CHAF1A: variants seen among roughly 807,000 people sequenced by gnomAD.
The protein encoded by CHAF1A is CAF-1 subunit A.
CHAF1A carries 5 observed loss-of-function variants against 93.2 expected under a neutral mutation model. The observed-to-expected ratio is 0.05, with a 90% CI of 0.03 to 0.11. CHAF1A has a LOEUF of 0.11. Among genes scored for constraint, CHAF1A ranks in the 10% least tolerant of loss-of-function variants. The pLI is 1.00. For synonymous variants in CHAF1A, 504 were observed against 510.3 expected, an observed-to-expected ratio of 0.99 and a Z score of 0.17; for missense variants, 1,102 against 1,259.9, an observed-to-expected ratio of 0.87 and a Z score of 1.90.
chr19:4,445,456 A>G (rs747474407), downstream of CHAF1A: 2 of 1,612,402 alleles, frequency 1.2e-6, no homozygotes, highest in South Asian at 1.1e-5. Context: ...CAGGGAGAGC[A>G]TGAGACAGAC....
At chr19:4,436,555 G>T (rs1974286583) in intron 13 of CHAF1A, among the ~76,000 whole-genome samples, 1 of 152,200 alleles carries the variant, frequency 6.6e-6, no homozygotes, top group South Asian at 2.1e-4. Flanking sequence ...GGGAACCGGA[G>T]CTCCCCAGCC....
chr19:4,419,013 C>A (rs1973944557), intron 4 of CHAF1A, among the ~76,000 whole-genome samples: 1 of 147,822 alleles, frequency 6.8e-6, no homozygotes. Context: ...CAGGCACTTG[C>A]TGCCATAGCC....
At chr19:4,431,157 C>G (rs1191078024) in intron 11 of CHAF1A, 1 of 148,008 alleles carries the variant, frequency 6.8e-6, no homozygotes, top group African/African-American at 2.5e-5. Flanking sequence ...GAGACGGATT[C>G]TCATTCTGTT....
downstream of CHAF1A, chr19:4,448,283 A>AGG (rs755597683): frequency 9.7e-6 from 15 of 1,553,296 alleles, no homozygotes; most frequent in Admixed American, 3.7e-5. Flanking sequence ...GATGAGCTGG[A>AGG]GGGGCCAGGC....
chr19:4,449,603 T>A (rs967832405), downstream of CHAF1A: 1 of 152,302 alleles, frequency 6.6e-6, no homozygotes, highest in Non-Finnish European at 1.5e-5. Context: ...AAGGGAAGCG[T>A]GTCAGCTCCA....
At chr19:4,446,236 C>A (rs1438622589), downstream of CHAF1A, 9 of 1,576,024 alleles carry the variant, frequency 5.7e-6, no homozygotes, top group Non-Finnish European at 6.9e-6. Flanking sequence ...GGGCCCAGGG[C>A]CCCCTACCAA....
At chr19:4,447,575 A>G, downstream of CHAF1A, 1 of 1,613,706 alleles carries the variant, frequency 6.2e-7, no homozygotes, top group Non-Finnish European at 8.5e-7. Flanking sequence ...CTGCAGCTTG[A>G]TCTTCCGGTA....
chr19:4,448,040 G>T (rs1351205052), downstream of CHAF1A: 4 of 546,176 alleles, frequency 7.3e-6, no homozygotes, highest in Non-Finnish European at 1.3e-5. Flanking sequence ...GGGGAGTGGG[G>T]TGGGACCCTG....
downstream of CHAF1A, chr19:4,446,298 C>A: frequency 6.4e-7 from 1 of 1,572,146 alleles, no homozygotes; most frequent in South Asian, 1.1e-5. Flanking sequence ...AGGAGGCAGC[C>A]ATCGGGGAGG....
intron 7 of CHAF1A, 35 bp from the exon 8 acceptor site, chr19:4,428,629 C>G (rs1245723688): frequency 6.3e-7 from 1 of 1,576,078 alleles, no homozygotes; most frequent in South Asian, 1.1e-5. Flanking sequence ...TCTCCCATTG[C>G]TCGAAGACCC....
chr19:4,415,033 A>T (rs561931848), intron 3 of CHAF1A, among the ~76,000 whole-genome samples: 1 of 152,264 alleles, frequency 6.6e-6, no homozygotes, highest in East Asian at 1.9e-4. Flanking sequence ...GCCCACACAT[A>T]GTGAGCTCTG....
chr19:4,445,976 G>A, downstream of CHAF1A: 1 of 1,526,408 alleles, frequency 6.6e-7, no homozygotes, highest in East Asian at 2.3e-5. Context: ...TCCCTCCTGG[G>A]GGTGTCTGTG....
chr19:4,438,638 A>C (rs565516736), intron 13 of CHAF1A, among the ~76,000 whole-genome samples: 68 of 152,336 alleles, frequency 4.5e-4, no homozygotes, highest in African/African-American at 1.5e-3. Flanking sequence ...AATACAAGGA[A>C]GGATGTGTTT....
intron 1 of CHAF1A, among the ~76,000 whole-genome samples, chr19:4,404,135 T>C (rs750482914): frequency 6.7e-6 from 1 of 148,582 alleles, no homozygotes; most frequent in Non-Finnish European, 1.5e-5. Context: ...TATTTAACTT[T>C]AAAAAAAAAA....
Position 4,432,085 on chromosome 19 carries a change from G to C in CHAF1A, c.2081G>C (p.Arg694Thr). 1 of 1,614,004 alleles carries C rather than the reference G, an allele frequency of 6.2e-7. No individual in the cohort carries two copies. Among genetic ancestry groups the C allele is most frequent in the Admixed American group, 1.7e-5 (1 of 60,014 alleles). ...VKIGCVWAAD[R>T]DCAGDDLKVL... The stretch of plus-strand genomic sequence containing the variant: ...ATCGGCTGCGTGTGGGCGGCTGACA[G>C]AGACTGCGCAGGCGATGACCTGAAG... Residue 694 changes from arginine (R) to threonine (T), a missense_variant, in exon 12 of 15, where the codon AGA becomes ACA. Transcript: ENST00000301280.
chr19:4,431,908 G>T, intron 11 of CHAF1A, 44 bp from the exon 12 acceptor site: 1 of 1,562,466 alleles, frequency 6.4e-7, no homozygotes, highest in South Asian at 1.2e-5. Flanking sequence ...CCGGGCATAG[G>T]GGAGCAAGAA....
intron 3 of CHAF1A, among the ~76,000 whole-genome samples, chr19:4,416,012 A>T (rs1365747421): frequency 6.6e-6 from 1 of 152,052 alleles, no homozygotes; most frequent in African/African-American, 2.4e-5. Flanking sequence ...TCTCTACTAA[A>T]AATACAAAAA....
chr19:4,438,152 A>G (rs1974320981), intron 13 of CHAF1A, among the ~76,000 whole-genome samples: 1 of 152,080 alleles, frequency 6.6e-6, no homozygotes, highest in African/African-American at 2.4e-5. Context: ...GGTTTGGTGT[A>G]TAGATGATTT....
chr19:4,430,022 G>A (rs1382406008), intron 10 of CHAF1A: 5 of 500,018 alleles, frequency 1.0e-5, no homozygotes, highest in South Asian at 4.5e-5. Flanking sequence ...GATCCCGTCC[G>A]CATCTGCACC....
Sources: allele counts gnomAD v4.1 joint callset (sites outside exome capture counted in the v4.1 genomes callset), GRCh38; gene constraint gnomAD v4.1.1; transcripts MANE v1.5; gene names NCBI Gene and HGNC (gene_info 2026-07-23, HGNC 2026-07-21).